The following RND2 variants were observed in gnomAD, a reference collection of about 807,000 sequenced individuals.
RND2 encodes the protein rho-related GTP-binding protein RhoN.
A neutral mutation model predicts 25.9 loss-of-function variants in RND2; 16 were observed. That is an observed-to-expected ratio of 0.62 (90% confidence interval 0.42 to 0.94). The LOEUF (loss-of-function observed/expected upper bound fraction) is 0.94, where lower values mean the gene tolerates loss of function less well. RND2 is among the 40% of genes least tolerant of loss of function. The pLI, the probability that RND2 is intolerant of heterozygous loss-of-function variation, is 0.00. For missense variants in RND2, 276 were observed against 305.5 expected, an observed-to-expected ratio of 0.90 and a Z score of 0.72; for synonymous variants, 97 against 118.1, an observed-to-expected ratio of 0.82 and a Z score of 1.16.
intron 2 of RND2, 69 bp from the exon 3 acceptor site, chr17:43,027,114 C>T: frequency 1.1e-6 from 1 of 929,126 alleles, no homozygotes; most frequent in East Asian, 2.5e-5. Context: ...TGACCAGGAT[C>T]TGTAAGGTCT....
intron 1 of RND2, among the ~76,000 whole-genome samples, 164 bp from the exon 2 acceptor site, chr17:43,025,796 G>C (rs971028905): frequency 1.6e-5 from 1 of 61,688 alleles, no homozygotes; most frequent in Non-Finnish European, 3.6e-5. Context: ...ATTCTCCGGG[G>C]GGGGGGGGGG....
Position 43,031,503 on chromosome 17 carries a change from G to A in RND2, c.*2823G>A, listed in dbSNP as rs958756395. 6.6e-6 allele frequency: 1 copy of A among 152,184 alleles called. No homozygotes were observed. The highest frequency in any genetic ancestry group is 1.5e-5 in the Non-Finnish European group (1 of 68,052). The allele number at this position is 152,184 out of a possible 1,614,324, so 9.4% of individuals were successfully genotyped here. On this transcript the variant is annotated 3_prime_UTR_variant, in exon 5 of 5. Transcript: ENST00000587250. The stretch of plus-strand genomic sequence containing the variant: ...GGACCTGCCATAAAAATCGACTTGC[G>A]ATTTTTAGCTGAGTGGCTTCTCTTT...
At position 43,028,787 on chromosome 17, in the gene RND2, C is replaced by T; in HGVS notation, c.*107C>T. The T allele has an allele frequency of 1.4e-6, 2 of 1,457,482 alleles. No homozygotes were observed. Among genetic ancestry groups the T allele is most frequent in the South Asian group, 1.4e-5 (1 of 72,986 alleles). 90.3% of individuals were successfully genotyped at this position (1,457,482 alleles called of 1,614,324 possible). A position where few individuals can be genotyped will look rare whatever the true frequency, so the allele number is the denominator to read the frequency against. ...CCTGATCCTGGCTGGGAAGTTAGGG[C>T]AGGCAGAGCGAGCAATTCTGGGCAG... On this transcript the variant is annotated 3_prime_UTR_variant, in exon 5 of 5. Transcript: ENST00000587250.
chr17:43,029,010 C>T lies in RND2; in HGVS notation c.*330C>T, dbSNP rs927106185. On this transcript the variant is annotated 3_prime_UTR_variant, in exon 5 of 5. Coordinates refer to ENST00000587250, the MANE Select transcript of RND2 (RefSeq NM_005440.5). ...GAAGAGTACCCTCCCTCTCCACCCC[C>T]AGTCCCCATATCCTGGTTCTGGCCC... The T allele has an allele frequency of 6.1e-6, 2 of 325,908 alleles. No individual in the cohort carries two copies. The highest frequency in any genetic ancestry group is 3.9e-5 in the South Asian group (1 of 25,846). The allele number at this position is 325,908 out of a possible 1,614,324, so 20.2% of individuals were successfully genotyped here.
chr17:43,025,257 C>A lies in RND2; in HGVS notation c.-91C>A. 1 of 1,124,924 alleles carries A rather than the reference C, an allele frequency of 8.9e-7. No homozygotes were observed. Among genetic ancestry groups the A allele is most frequent in the Non-Finnish European group, 1.1e-6 (1 of 874,242 alleles). 69.7% of individuals were successfully genotyped at this position (1,124,924 alleles called of 1,614,324 possible). A position where few individuals can be genotyped will look rare whatever the true frequency, so the allele number is the denominator to read the frequency against. On this transcript the variant is annotated 5_prime_UTR_variant, in exon 1 of 5. Transcript: ENST00000587250. ...CGGGCCCGCGAGATGCCGGTGTTGGCGGCCCGAGCGGCTGCAGTTGCAGGG... is the reference window on the plus strand; with the variant it reads ...CGGGCCCGCGAGATGCCGGTGTTGGAGGCCCGAGCGGCTGCAGTTGCAGGG...
At chr17:43,026,304 A>G in intron 2 of RND2, 1 of 462,350 alleles carries the variant, frequency 2.2e-6, no homozygotes, top group Non-Finnish European at 3.9e-6. Flanking sequence ...GTTGGGAAGG[A>G]ATGGCTTTTA....
At position 43,032,032 on chromosome 17, in the gene RND2, C is replaced by T. The variant is rs1241086942; in HGVS notation, c.*3352C>T. Reference sequence around the variant, plus strand: ...ACATTTAATGAAATAAACAAATAATCACACTGTGATGGCTGCCAGAGTTTC... The same window carrying T: ...ACATTTAATGAAATAAACAAATAATTACACTGTGATGGCTGCCAGAGTTTC... On this transcript the variant is annotated 3_prime_UTR_variant, in exon 5 of 5. Transcript: ENST00000587250. 6.7e-6 allele frequency: 1 copy of T among 148,762 alleles called. No homozygotes were observed. The highest frequency in any genetic ancestry group is 1.5e-5 in the Non-Finnish European group (1 of 67,670). The allele number at this position is 148,762 out of a possible 1,614,324, so 9.2% of individuals were successfully genotyped here. A position where few individuals can be genotyped will look rare whatever the true frequency, so the allele number is the denominator to read the frequency against.
Position 43,028,774 on chromosome 17 carries a change from T to C in RND2, c.*94T>C. The C allele has an allele frequency of 2.0e-6, 3 of 1,473,420 alleles. No individual in the cohort carries two copies. The highest frequency in any genetic ancestry group is 2.7e-6 in the Non-Finnish European group (3 of 1,108,856). The allele number at this position is 1,473,420 out of a possible 1,614,324, so 91.3% of individuals were successfully genotyped here. On this transcript the variant is annotated 3_prime_UTR_variant, in exon 5 of 5. Transcript: ENST00000587250. ...GGCTTCCTGACCTCCTGATCCTGGC[T>C]GGGAAGTTAGGGCAGGCAGAGCGAG...
Position 43,028,900 on chromosome 17 carries a change from G to T in RND2, c.*220G>T. 1.5e-6 allele frequency: 1 copy of T among 650,802 alleles called. No homozygotes were observed. The allele number at this position is 650,802 out of a possible 1,614,324, so 40.3% of individuals were successfully genotyped here. ...GGATGTTGAGGGAGCTAACAGGGCT[G>T]GCATCTGGGGCATGAACTGGGATGG... On this transcript the variant is annotated 3_prime_UTR_variant, in exon 5 of 5. Transcript: ENST00000587250.
In RND2 at chr17:43,031,098, G is replaced by A. The variant is rs928573460; in HGVS notation, c.*2418G>A. On this transcript the variant is annotated 3_prime_UTR_variant, in exon 5 of 5. Coordinates refer to ENST00000587250, the MANE Select transcript of RND2 (RefSeq NM_005440.5). ...ATCATGCCATTGTCTTCCAGCCTGA[G>A]TGTCAGAGTGAGACCCTGTCTCTAA... 1 of 152,044 alleles carries A rather than the reference G, an allele frequency of 6.6e-6. No homozygotes were observed. The highest frequency in any genetic ancestry group is 1.5e-5 in the Non-Finnish European group (1 of 68,022). 9.4% of individuals were successfully genotyped at this position (152,044 alleles called of 1,614,324 possible). A position where few individuals can be genotyped will look rare whatever the true frequency, so the allele number is the denominator to read the frequency against.
intron 2 of RND2, chr17:43,026,290 G>A (rs1276963415): frequency 4.2e-6 from 2 of 479,142 alleles, no homozygotes; most frequent in Non-Finnish European, 7.6e-6. Flanking sequence ...GCCTACCTGG[G>A]AAAGTTGGGA....
chr17:43,025,246 G>A lies in RND2; in HGVS notation c.-102G>A, dbSNP rs1416421023. 11 of 999,168 alleles carry A rather than the reference G, an allele frequency of 1.1e-5. No homozygotes were observed. Among genetic ancestry groups the A allele is most frequent in the South Asian group, 2.8e-5 (1 of 35,194 alleles). 61.9% of individuals were successfully genotyped at this position (999,168 alleles called of 1,614,324 possible). A position where few individuals can be genotyped will look rare whatever the true frequency, so the allele number is the denominator to read the frequency against. ...GGGGCTCGGCGCGGGCCCGCGAGAT[G>A]CCGGTGTTGGCGGCCCGAGCGGCTG... On this transcript the variant is annotated 5_prime_UTR_variant, in exon 1 of 5. It removes an upstream start codon present in the reference 5' UTR. Coordinates refer to ENST00000587250, the MANE Select transcript of RND2 (RefSeq NM_005440.5).
At position 43,025,232 on chromosome 17, in the gene RND2, C is replaced by A; in HGVS notation, c.-116C>A. On this transcript the variant is annotated 5_prime_UTR_variant, in exon 1 of 5. Transcript: ENST00000587250. Reference sequence around the variant, plus strand: ...GCGGACCCGGGGCGGGGGCTCGGCGCGGGCCCGCGAGATGCCGGTGTTGGC... The same window carrying A: ...GCGGACCCGGGGCGGGGGCTCGGCGAGGGCCCGCGAGATGCCGGTGTTGGC... 2 of 814,112 alleles carry A rather than the reference C, an allele frequency of 2.5e-6. No homozygotes were observed. The highest frequency in any genetic ancestry group is 3.1e-6 in the Non-Finnish European group (2 of 635,530). The allele number at this position is 814,112 out of a possible 1,614,324, so 50.4% of individuals were successfully genotyped here.
chr17:43,030,727 C>G lies in RND2; in HGVS notation c.*2047C>G, dbSNP rs2050666266. On this transcript the variant is annotated 3_prime_UTR_variant, in exon 5 of 5. Transcript: ENST00000587250. ...GAATGAGCATAGCACTGTTGGGGCT[C>G]CCATGGCAGGGAGAATAGAAGACAA... is the stretch of plus-strand genomic sequence containing the variant. The G allele has an allele frequency of 6.6e-6, 1 of 152,086 alleles. No homozygotes were observed. Among genetic ancestry groups the G allele is most frequent in the Non-Finnish European group, 1.5e-5 (1 of 68,068 alleles). 9.4% of individuals were successfully genotyped at this position (152,086 alleles called of 1,614,324 possible). A position where few individuals can be genotyped will look rare whatever the true frequency, so the allele number is the denominator to read the frequency against.
At position 43,026,021 on chromosome 17, in the gene RND2, T is replaced by C; in HGVS notation, c.164T>C (p.Ile55Thr). ...AGCTTTGAGATCGACAAGCGCCGCATTGAGCTCAACATGTGGGACACTTCA... is the reference window on the plus strand; with the variant it reads ...AGCTTTGAGATCGACAAGCGCCGCACTGAGCTCAACATGTGGGACACTTCA... Reference protein sequence around the residue: ...TASFEIDKRRIELNMWDTSGS... With the variant: ...TASFEIDKRRTELNMWDTSGS... The change falls in exon 2 of 5, where the codon ATT (isoleucine) becomes ACT (threonine). Residue 55 changes from isoleucine (I) to threonine (T), a missense_variant. Ile to Thr is a moderately conservative substitution (Grantham distance 89). Coordinates refer to ENST00000587250, the MANE Select transcript of RND2 (RefSeq NM_005440.5). 1.2e-6 allele frequency: 2 copies of C among 1,612,826 alleles called. No individual in the cohort carries two copies. The highest frequency in any genetic ancestry group is 1.7e-6 in the Non-Finnish European group (2 of 1,179,020).
At chr17:43,027,792 T>C (rs1236639641) in intron 3 of RND2, among the ~76,000 whole-genome samples, 1 of 152,088 alleles carries the variant, frequency 6.6e-6, no homozygotes, top group African/African-American at 2.4e-5. Context: ...GAATGGGAAG[T>C]TTCCAGGCTG....
In RND2 at chr17:43,026,066, G is replaced by T. The variant is rs751236062; in HGVS notation, c.190+19G>T. 9 of 1,587,896 alleles carry T rather than the reference G, an allele frequency of 5.7e-6. No individual in the cohort carries two copies. Among genetic ancestry groups the T allele is most frequent in the Non-Finnish European group, 7.8e-6 (9 of 1,158,170 alleles). On this transcript the variant is annotated intron_variant, in intron 2 of 4. Transcript: ENST00000587250. ...ACTTCAGGTAGCCAAGTCCCTGGGGGTCACCCTGACTTCCAAGGCGGCCCA... is the reference window on the plus strand; with the variant it reads ...ACTTCAGGTAGCCAAGTCCCTGGGGTTCACCCTGACTTCCAAGGCGGCCCA...
chr17:43,027,938 G>C, intron 3 of RND2, 123 bp from the exon 4 acceptor site: 1 of 1,161,832 alleles, frequency 8.6e-7, no homozygotes. Context: ...ATGTGGGAGA[G>C]TCCTGAGGGA....
At position 43,028,997 on chromosome 17, in the gene RND2, C is replaced by T. The variant is rs1464200002; in HGVS notation, c.*317C>T. The T allele has an allele frequency of 2.9e-6, 1 of 346,026 alleles. No homozygotes were observed. Among genetic ancestry groups the T allele is most frequent in the East Asian group, 6.0e-5 (1 of 16,608 alleles). 21.4% of individuals were successfully genotyped at this position (346,026 alleles called of 1,614,324 possible). ...GAGTCTCCTATGTGAAGAGTACCCT[C>T]CCTCTCCACCCCCAGTCCCCATATC... On this transcript the variant is annotated 3_prime_UTR_variant, in exon 5 of 5. Coordinates refer to ENST00000587250, the MANE Select transcript of RND2 (RefSeq NM_005440.5).
Sources: allele counts gnomAD v4.1 joint callset (sites outside exome capture counted in the v4.1 genomes callset), GRCh38; gene constraint gnomAD v4.1.1; transcripts MANE v1.5; gene names NCBI Gene and HGNC (gene_info 2026-07-23, HGNC 2026-07-21).